GRB10: variants seen among roughly 807,000 people sequenced by gnomAD.
GRB10 encodes growth factor receptor bound protein 10.
A neutral mutation model predicts 80.9 loss-of-function variants in GRB10; 20 were observed. The observed-to-expected ratio is 0.25, with a 90% CI of 0.17 to 0.36. The LOEUF (loss-of-function observed/expected upper bound fraction) is 0.36. GRB10 is among the 10% of genes least tolerant of loss of function. The probability of loss-of-function intolerance (pLI) is 1.00; values close to 1 mark genes in which losing one functional copy is unlikely to be tolerated. For synonymous variants in GRB10, 291 were observed against 291.5 expected, an observed-to-expected ratio of 1.00 and a Z score of 0.02; for missense variants, 548 against 747.7, an observed-to-expected ratio of 0.73 and a Z score of 3.12.
intron 17 of GRB10, among the ~76,000 whole-genome samples, chr7:50,603,083 C>A (rs1335282440): frequency 6.6e-6 from 1 of 152,164 alleles, no homozygotes; most frequent in Non-Finnish European, 1.5e-5. Context: ...ACGAAGGACA[C>A]AAGAATCATT....
chr7:50,641,520 T>C (rs535090910), intron 7 of GRB10, among the ~76,000 whole-genome samples: 1 of 152,278 alleles, frequency 6.6e-6, no homozygotes, highest in East Asian at 1.9e-4. Context: ...TTAGAACAGA[T>C]AAGGAAAAGG....
intron 3 of GRB10, among the ~76,000 whole-genome samples, chr7:50,751,536 T>C (rs1291794832): frequency 6.6e-6 from 1 of 152,192 alleles, no homozygotes; most frequent in South Asian, 2.1e-4. Flanking sequence ...AAGCAATCTA[T>C]ACTGAGAGAA....
intron 4 of GRB10, among the ~76,000 whole-genome samples, chr7:50,714,662 CA>C (rs11385458): frequency 0.16 from 23,015 of 147,322 alleles, 5,970 homozygotes; most frequent in African/African-American, 0.54. Context: ...GACTCTGTCT[CA>C]AAAAAAAAAA....
At chr7:50,656,960 C>A (rs1295031710) in intron 7 of GRB10, among the ~76,000 whole-genome samples, 1 of 152,206 alleles carries the variant, frequency 6.6e-6, no homozygotes, top group Non-Finnish European at 1.5e-5. Context: ...GCACTCCAGG[C>A]ACCCAGTGAA....
rs748255434 is a variant in GRB10, at chr7:50,694,094, C to T, written c.139+9727G>A. Among the ~76,000 whole-genome samples the T allele has an allele frequency of 7.2e-5, 11 of 152,272 alleles. No individual in the cohort carries two copies. In the East Asian group the frequency reaches 1.2e-3, roughly 16 times the overall value. On this transcript the variant is annotated intron_variant, in intron 5 of 18. Transcript: ENST00000401949. ...CTGGCTCATGCCTGTAATCCCAGCA[C>T]GGACAGATCACCCAAAGTAAGGAAT...
intron 5 of GRB10, among the ~76,000 whole-genome samples, chr7:50,699,991 T>C (rs1019253614): frequency 1.3e-5 from 2 of 151,886 alleles, no homozygotes; most frequent in African/African-American, 4.8e-5. Flanking sequence ...CAAAAAAAAT[T>C]AGCCGGGCGT....
chr7:50,648,116 T>C (rs2057481133), intron 7 of GRB10, among the ~76,000 whole-genome samples: 1 of 151,820 alleles, frequency 6.6e-6, no homozygotes, highest in African/African-American at 2.4e-5. Flanking sequence ...GCTGAGGGAA[T>C]GGCCACGGCT....
At chr7:50,674,806 A>G (rs2153641164) in intron 5 of GRB10, 148 bp from the exon 6 acceptor site, 4 of 713,646 alleles carry the variant, frequency 5.6e-6, no homozygotes, top group Non-Finnish European at 7.6e-6. Flanking sequence ...CAAGACAAGT[A>G]TGACTGTATG....
Position 50,687,689 on chromosome 7 carries a change from C to T in GRB10, c.140-13031G>A, listed in dbSNP as rs576538183. Among the ~76,000 whole-genome samples, 3 of 152,336 alleles carry T rather than the reference C, an allele frequency of 2.0e-5. No individual in the cohort carries two copies. In the South Asian group the frequency reaches 6.2e-4, roughly 32 times the overall value. ...ACAAAACAACAAATCTGCTGTCCTT[C>T]TAAGGCACAGCAGCTGCCCATGATG... On this transcript the variant is annotated intron_variant, in intron 5 of 18. Coordinates refer to ENST00000401949, the MANE Select transcript of GRB10 (RefSeq NM_001350814.2).
intron 7 of GRB10, among the ~76,000 whole-genome samples, chr7:50,647,883 C>T (rs2057435785): frequency 1.3e-5 from 2 of 152,154 alleles, no homozygotes; most frequent in Non-Finnish European, 2.9e-5. Context: ...ATTGGGAATT[C>T]TGATGGGGGT....
chr7:50,744,243 C>T (rs1054374098), intron 3 of GRB10, among the ~76,000 whole-genome samples: 4 of 152,200 alleles, frequency 2.6e-5, no homozygotes, highest in Admixed American at 2.6e-4. Context: ...CCGCGTAGAA[C>T]CATCACAGGC....
intron 7 of GRB10, among the ~76,000 whole-genome samples, chr7:50,641,026 C>T (rs1563255602): frequency 6.6e-6 from 1 of 152,104 alleles, no homozygotes; most frequent in Non-Finnish European, 1.5e-5. Context: ...GCTAGTCACG[C>T]AGGCTCATGG....
chr7:50,737,717 C>T (rs1458738309), intron 3 of GRB10, among the ~76,000 whole-genome samples: 5 of 152,310 alleles, frequency 3.3e-5, no homozygotes, highest in Middle Eastern at 3.4e-3. Context: ...GGCATGGTGG[C>T]AGGCACCTGC....
chr7:50,621,210 G>C (rs2051663304), intron 8 of GRB10, among the ~76,000 whole-genome samples: 1 of 152,244 alleles, frequency 6.6e-6, no homozygotes, highest in Admixed American at 6.5e-5. Flanking sequence ...GAAAGATCAT[G>C]GGAAAGTTGC....
chr7:50,667,293 T>C (rs1319748942), intron 7 of GRB10, among the ~76,000 whole-genome samples: 1 of 152,204 alleles, frequency 6.6e-6, no homozygotes, highest in African/African-American at 2.4e-5. Context: ...TTCGTTATGC[T>C]TTCTTCTTTT....
chr7:50,648,955 C>A (rs2715107), intron 7 of GRB10, among the ~76,000 whole-genome samples: 62,757 of 151,986 alleles, frequency 0.41, 13,050 homozygotes, highest in Admixed American at 0.45. Context: ...GCTGCCTCTT[C>A]TTCCTGCTCC....
At chr7:50,753,455 A>G (rs1337189384) in intron 3 of GRB10, among the ~76,000 whole-genome samples, 1 of 152,212 alleles carries the variant, frequency 6.6e-6, no homozygotes, top group African/African-American at 2.4e-5. Flanking sequence ...GTTGGACAAG[A>G]GGGAGCCCAT....
At chr7:50,667,645 T>C (rs1224211531) in intron 7 of GRB10, among the ~76,000 whole-genome samples, 6 of 149,034 alleles carry the variant, frequency 4.0e-5, no homozygotes, top group Non-Finnish European at 5.9e-5. Flanking sequence ...TAAAGAAATA[T>C]CCCTTCAAGC....
At chr7:50,609,906 T>G (rs2049202782) in intron 13 of GRB10, among the ~76,000 whole-genome samples, 1 of 152,236 alleles carries the variant, frequency 6.6e-6, no homozygotes, top group African/African-American at 2.4e-5. Flanking sequence ...CTTTCTCCTA[T>G]GTAGACCCAA....
Sources: allele counts gnomAD v4.1 joint callset (sites outside exome capture counted in the v4.1 genomes callset), GRCh38; gene constraint gnomAD v4.1.1; transcripts MANE v1.5; gene names NCBI Gene and HGNC (gene_info 2026-07-23, HGNC 2026-07-21).